Variants in PCTP observed in about 807,000 individuals in gnomAD.
PCTP encodes the protein START domain-containing protein 2.
In PCTP, 27 loss-of-function variants were observed where a neutral mutation model predicts 31.0. The observed-to-expected ratio is 0.87, with a 90% CI of 0.64 to 1.20. The LOEUF (loss-of-function observed/expected upper bound fraction) is 1.20. Among genes scored for constraint, PCTP ranks in the 50% most tolerant of loss-of-function variants. The probability of loss-of-function intolerance (pLI) is 0.00; values close to 1 mark genes in which losing one functional copy is unlikely to be tolerated. For missense variants in PCTP, 287 were observed against 268.2 expected, an observed-to-expected ratio of 1.07 and a Z score of -0.49; for synonymous variants, 108 against 101.2, an observed-to-expected ratio of 1.07 and a Z score of -0.40.
At chr17:55,833,818 C>T (rs1285975728) in intron 5 of PCTP, among the ~76,000 whole-genome samples, 3 of 152,028 alleles carry the variant, frequency 2.0e-5, no homozygotes, top group East Asian at 1.9e-4. Flanking sequence ...CTTTTTTTGC[C>T]GTTCCTTAGT....
At chr17:55,836,913 C>A (rs140618660) in intron 5 of PCTP, among the ~76,000 whole-genome samples, 1 of 152,270 alleles carries the variant, frequency 6.6e-6, no homozygotes, top group East Asian at 1.9e-4. Context: ...GGGGAATGTA[C>A]ATCAAGGGGA....
downstream of PCTP, among the ~76,000 whole-genome samples, chr17:55,780,476 C>T (rs753308189): frequency 1.3e-5 from 2 of 152,166 alleles, no homozygotes; most frequent in Non-Finnish European, 2.9e-5. Flanking sequence ...TTACATTTTC[C>T]TTCCATCCGA....
Position 55,776,088 on chromosome 17 carries a change from C to A in PCTP, c.633C>A (p.Leu211=), listed in dbSNP as rs771583227. Residue 211 remains leucine, a synonymous_variant, in exon 6 of 6, where the codon CTC becomes CTA. Coordinates refer to ENST00000268896, the MANE Select transcript of PCTP (RefSeq NM_021213.4). Reference sequence around the variant, plus strand: ...TGGCAAGAGCCTGTCAGAACTACCTCAAGAAAACCTAAGAAAGAGAACTGG... The same window carrying A: ...TGGCAAGAGCCTGTCAGAACTACCTAAAGAAAACCTAAGAAAGAGAACTGG... ...KDMARACQNY[L]KKT The A allele has an allele frequency of 6.2e-7, 1 of 1,614,028 alleles. No homozygotes were observed. The highest frequency in any genetic ancestry group is 2.2e-5 in the East Asian group (1 of 44,870).
At chr17:55,772,942 A>C (rs959428479) in intron 3 of PCTP, among the ~76,000 whole-genome samples, 2 of 152,158 alleles carry the variant, frequency 1.3e-5, no homozygotes, top group African/African-American at 2.4e-5. Context: ...TAAGGATCCA[A>C]ATTTAAGCTG....
intron 1 of PCTP, among the ~76,000 whole-genome samples, chr17:55,765,998 C>T (rs182600475): frequency 6.6e-6 from 1 of 152,312 alleles, no homozygotes; most frequent in East Asian, 1.9e-4. Flanking sequence ...TGTTAACTCT[C>T]ATAGAGGCCT....
intron 3 of PCTP, among the ~76,000 whole-genome samples, chr17:55,821,493 T>A (rs1913115896): frequency 6.6e-6 from 1 of 152,218 alleles, no homozygotes; most frequent in Non-Finnish European, 1.5e-5. Context: ...ATTGTACACA[T>A]AAATTGGTTC....
chr17:55,837,250 TAAC>T (rs1314729756), intron 5 of PCTP, among the ~76,000 whole-genome samples: 1 of 152,156 alleles, frequency 6.6e-6, no homozygotes, highest in East Asian at 1.9e-4. Context: ...TGGGTGGTAA[TAAC>T]AAGATTTCAG....
At chr17:55,840,839 T>C (rs1905956107) in intron 5 of PCTP, among the ~76,000 whole-genome samples, 1 of 152,256 alleles carries the variant, frequency 6.6e-6, no homozygotes. Context: ...GTCAACATGA[T>C]ATACATTGGA....
intron 5 of PCTP, among the ~76,000 whole-genome samples, chr17:55,842,097 A>G (rs1378512013): frequency 1.3e-5 from 2 of 152,228 alleles, no homozygotes; most frequent in Non-Finnish European, 2.9e-5. Flanking sequence ...AAAAAAAGAA[A>G]AAGTCTTTGT....
At chr17:55,786,740 G>C (rs1911760919) in intron 2 of PCTP, among the ~76,000 whole-genome samples, 2 of 152,034 alleles carry the variant, frequency 1.3e-5, no homozygotes, top group Admixed American at 1.3e-4. Context: ...TCATTTTGTG[G>C]TCATCTTGTG....
rs532992409 is a variant in PCTP at position 55,773,014 on chromosome 17, T to C, written c.340-710T>C. On this transcript the variant is annotated intron_variant, in intron 3 of 5. Transcript: ENST00000268896. ...ATAAGTAGTGATTCCTGTTGTTTCATAGACTTTCATTATCCTCCCTAGAAT... is the reference window on the plus strand; with the variant it reads ...ATAAGTAGTGATTCCTGTTGTTTCACAGACTTTCATTATCCTCCCTAGAAT... Among the ~76,000 whole-genome samples, 5 of 152,370 alleles carry C rather than the reference T, an allele frequency of 3.3e-5. No individual in the cohort carries two copies. In the East Asian group the frequency reaches 9.6e-4, roughly 29 times the overall value.
chr17:55,757,824 G>A (rs557303455), intron 1 of PCTP, among the ~76,000 whole-genome samples: 19 of 152,278 alleles, frequency 1.2e-4, no homozygotes, highest in Admixed American at 8.5e-4. Flanking sequence ...TCAGAGGCAG[G>A]AGAATACCCT....
intron 3 of PCTP, among the ~76,000 whole-genome samples, chr17:55,789,578 A>G (rs1434563117): frequency 6.6e-6 from 1 of 152,196 alleles, no homozygotes; most frequent in Non-Finnish European, 1.5e-5. Context: ...TCCTTTGAGA[A>G]CAAGTTCAAT....
At chr17:55,816,331 C>G (rs1912916609) in intron 3 of PCTP, among the ~76,000 whole-genome samples, 1 of 152,080 alleles carries the variant, frequency 6.6e-6, no homozygotes, top group Non-Finnish European at 1.5e-5. Flanking sequence ...CTGGATATTT[C>G]TCTATGAAAT....
At chr17:55,774,013 A>G in intron 4 of PCTP, 118 bp downstream of exon 4, 1 of 1,233,978 alleles carries the variant, frequency 8.1e-7, no homozygotes, top group Non-Finnish European at 1.1e-6. Flanking sequence ...AGGACAGGCA[A>G]AGCTGCAGAG....
At chr17:55,812,645 T>C (rs570979756) in intron 3 of PCTP, among the ~76,000 whole-genome samples, 3 of 152,304 alleles carry the variant, frequency 2.0e-5, no homozygotes, top group Non-Finnish European at 1.5e-5. Context: ...TTAACCTCCA[T>C]GTTGCAAGGC....
At chr17:55,827,561 C>T (rs1414788661), downstream of PCTP, among the ~76,000 whole-genome samples, 1 of 152,238 alleles carries the variant, frequency 6.6e-6, no homozygotes, top group Non-Finnish European at 1.5e-5. Flanking sequence ...TTTAAAAAGA[C>T]CTACTGCTCA....
At chr17:55,834,489 G>A (rs1043156337) in intron 5 of PCTP, among the ~76,000 whole-genome samples, 6 of 152,182 alleles carry the variant, frequency 3.9e-5, no homozygotes, top group East Asian at 1.9e-4. Context: ...CTAGCCACCA[G>A]GAAAGAGCCC....
At chr17:55,762,972 T>G (rs946903378) in intron 1 of PCTP, among the ~76,000 whole-genome samples, 1 of 152,230 alleles carries the variant, frequency 6.6e-6, no homozygotes, top group East Asian at 1.9e-4. Context: ...ATTTGAATTG[T>G]AGGAAACTAA....
Sources: allele counts gnomAD v4.1 joint callset (sites outside exome capture counted in the v4.1 genomes callset), GRCh38; gene constraint gnomAD v4.1.1; transcripts MANE v1.5; gene names NCBI Gene and HGNC (gene_info 2026-07-23, HGNC 2026-07-21).